PRKCA: variants seen among roughly 807,000 people sequenced by gnomAD.
PRKCA encodes the protein protein kinase C alpha.
PRKCA carries 27 observed loss-of-function variants against 87.0 expected under a neutral mutation model. That is an observed-to-expected ratio of 0.31 (90% CI 0.23 to 0.43). The LOEUF (loss-of-function observed/expected upper bound fraction) is 0.43. PRKCA is among the 20% of genes least tolerant of loss of function. PRKCA has a pLI of 1.00. For missense variants in PRKCA, 518 were observed against 852.3 expected, an observed-to-expected ratio of 0.61 and a Z score of 4.88; for synonymous variants, 329 against 311.1, an observed-to-expected ratio of 1.06 and a Z score of -0.61.
intron 2 of PRKCA, among the ~76,000 whole-genome samples, chr17:66,385,552 T>C (rs1005467528): frequency 1.3e-5 from 2 of 152,172 alleles, no homozygotes; most frequent in Non-Finnish European, 2.9e-5. Flanking sequence ...ATATTTTTTA[T>C]AAAAACTCTT....
intron 16 of PRKCA, among the ~76,000 whole-genome samples, chr17:66,794,956 A>G (rs1168642965): frequency 2.0e-5 from 3 of 152,166 alleles, no homozygotes; most frequent in Non-Finnish European, 4.4e-5. Context: ...AGGTACAGAC[A>G]TACACATCTG....
At position 66,434,520 on chromosome 17, in the gene PRKCA, C is replaced by T. The variant is rs183791948; in HGVS notation, c.206-61681C>T. Among the ~76,000 whole-genome samples, 382 of 152,206 alleles carry T rather than the reference C, an allele frequency of 2.5e-3. 2 individuals are homozygous for T. The highest frequency in any genetic ancestry group is 4.4e-3 in the Non-Finnish European group (298 of 68,018). On this transcript the variant is annotated intron_variant, in intron 2 of 16. Coordinates refer to ENST00000413366, the MANE Select transcript of PRKCA (RefSeq NM_002737.3). ...AGGATGCTTAATTCATTCCAGCCAC[C>T]GCTGCTGGAGTTGTTTTAGCAAAGC...
chr17:66,456,483 A>G (rs1472151022), intron 2 of PRKCA, among the ~76,000 whole-genome samples: 9 of 152,178 alleles, frequency 5.9e-5, no homozygotes, highest in Admixed American at 5.9e-4. Flanking sequence ...AGGGTTTGGA[A>G]TAGTCAAAGA....
chr17:66,424,473 A>G (rs1373435532), intron 2 of PRKCA, among the ~76,000 whole-genome samples: 2 of 151,328 alleles, frequency 1.3e-5, no homozygotes, highest in Non-Finnish European at 2.9e-5. Context: ...AGGCTGAGGC[A>G]TGAGAATTGC....
intron 13 of PRKCA, among the ~76,000 whole-genome samples, chr17:66,773,217 A>G (rs1974979270): frequency 6.6e-6 from 1 of 152,126 alleles, no homozygotes; most frequent in African/African-American, 2.4e-5. Context: ...TGACATCCAG[A>G]TTGTATCTTA....
intron 2 of PRKCA, among the ~76,000 whole-genome samples, chr17:66,462,116 T>G (rs930913830): frequency 4.6e-5 from 7 of 152,330 alleles, no homozygotes; most frequent in Admixed American, 3.3e-4. Context: ...TCTGCTTCCC[T>G]CTGTTTGAAC....
intron 13 of PRKCA, among the ~76,000 whole-genome samples, chr17:66,750,694 G>T (rs1050173154): frequency 6.6e-6 from 1 of 152,118 alleles, no homozygotes; most frequent in Non-Finnish European, 1.5e-5. Flanking sequence ...TGGTGGATTC[G>T]CTGCCCCTTC....
rs116062178 is a variant in PRKCA, at chr17:66,409,018, C to T, written c.206-87183C>T. Among the ~76,000 whole-genome samples the T allele has an allele frequency of 2.4e-3, 346 of 141,628 alleles. 1 individual carries two copies. The highest frequency in any genetic ancestry group is 8.5e-3 in the African/African-American group (316 of 37,194). The allele number at this position is 141,628 out of a possible 152,430, so 92.9% of individuals were successfully genotyped here. On this transcript the variant is annotated intron_variant, in intron 2 of 16. Coordinates refer to ENST00000413366, the MANE Select transcript of PRKCA (RefSeq NM_002737.3). ...AGTGAGCTGAGATCACGTCATCGCACTCCCTCCCCAGTCTCAAAAAAAAAA... is the reference window on the plus strand; with the variant it reads ...AGTGAGCTGAGATCACGTCATCGCATTCCCTCCCCAGTCTCAAAAAAAAAA...
chr17:66,805,366 TA>T lies in PRKCA; in HGVS notation c.*1331del. The T allele has an allele frequency of 6.3e-6, 1 of 157,748 alleles. No homozygotes were observed. Among genetic ancestry groups the T allele is most frequent in the Non-Finnish European group, 1.4e-5 (1 of 72,586 alleles). 9.8% of individuals were successfully genotyped at this position (157,748 alleles called of 1,614,324 possible). On this transcript the variant is annotated 3_prime_UTR_variant, in exon 17 of 17. Coordinates refer to ENST00000413366, the MANE Select transcript of PRKCA (RefSeq NM_002737.3). ...ATCAAGTATAAAGAGAGTATTATAA[TA>T]ATTTTATAAGACACAATTGTGCTCT...
intron 8 of PRKCA, chr17:66,703,628 CT>C (rs1315672125): frequency 1.3e-5 from 2 of 152,022 alleles, no homozygotes; most frequent in Non-Finnish European, 2.9e-5. Flanking sequence ...AACCGCATCT[CT>C]ACTAAAAATA....
chr17:66,509,078 G>GT (rs1287189155), intron 3 of PRKCA, among the ~76,000 whole-genome samples: 7 of 152,036 alleles, frequency 4.6e-5, no homozygotes, highest in African/African-American at 1.7e-4. Context: ...GGCTTCCCCT[G>GT]GCGCTGTGTT....
At chr17:66,412,970 G>A (rs1465267062) in intron 2 of PRKCA, among the ~76,000 whole-genome samples, 4 of 152,084 alleles carry the variant, frequency 2.6e-5, no homozygotes, top group African/African-American at 7.2e-5. Context: ...GATATGTGGA[G>A]ATTCTGCACC....
chr17:66,526,201 A>G lies in PRKCA; in HGVS notation c.288+29918A>G, dbSNP rs541737943. Among the ~76,000 whole-genome samples the G allele has an allele frequency of 4.6e-5, 7 of 152,352 alleles. No individual in the cohort carries two copies. In the South Asian group the frequency reaches 1.5e-3, roughly 32 times the overall value. ...ATAGCTGAAATATGTGCCTATATGT[A>G]TATCCGAAAATTATTATAGGAGATG... On this transcript the variant is annotated intron_variant, in intron 3 of 16. Coordinates refer to ENST00000413366, the MANE Select transcript of PRKCA (RefSeq NM_002737.3).
chr17:66,719,165 C>T (rs56410769), intron 8 of PRKCA, among the ~76,000 whole-genome samples: 66,036 of 151,964 alleles, frequency 0.43, 14,406 homozygotes, highest in African/African-American at 0.46. Context: ...ATCTGCATGT[C>T]ATTGAAAACA....
chr17:66,788,902 G>C lies in PRKCA; in HGVS notation c.1777G>C (p.Glu593Gln), dbSNP rs1304789263. 1.9e-6 allele frequency: 3 copies of C among 1,614,068 alleles called. No homozygotes were observed. The highest frequency in any genetic ancestry group is 2.2e-5 in the East Asian group (1 of 44,890). Residue 593 changes from glutamate to glutamine, a missense_variant, in exon 16 of 17, where the codon GAG (glutamate) becomes CAG (glutamine). Transcript: ENST00000413366. ...GCCTGAGGGGGAGAGGGACGTGAGAGAGCATGCCTTCTTCCGGAGGATCGA... is the reference window on the plus strand; with the variant it reads ...GCCTGAGGGGGAGAGGGACGTGAGACAGCATGCCTTCTTCCGGAGGATCGA... ...CGPEGERDVREHAFFRRIDWE... is the reference protein window; with the variant it reads ...CGPEGERDVRQHAFFRRIDWE...
At chr17:66,746,445 G>A (rs1461244239) in intron 13 of PRKCA, among the ~76,000 whole-genome samples, 1 of 152,088 alleles carries the variant, frequency 6.6e-6, no homozygotes, top group Non-Finnish European at 1.5e-5. Context: ...GTGTGGAAAG[G>A]TTAAAATAAT....
intron 3 of PRKCA, among the ~76,000 whole-genome samples, chr17:66,540,478 G>A (rs1967947582): frequency 6.6e-6 from 1 of 152,166 alleles, no homozygotes; most frequent in Admixed American, 6.5e-5. Context: ...CCGAGAGCAG[G>A]GACCATCTCA....
chr17:66,716,162 T>A (rs1473779039), intron 8 of PRKCA, among the ~76,000 whole-genome samples: 4 of 151,972 alleles, frequency 2.6e-5, no homozygotes, highest in Non-Finnish European at 5.9e-5. Flanking sequence ...GGTTTTTTTT[T>A]TTAGCACCAG....
chr17:66,718,803 T>C (rs1341914765), intron 8 of PRKCA, among the ~76,000 whole-genome samples: 2 of 152,212 alleles, frequency 1.3e-5, no homozygotes, highest in East Asian at 1.9e-4. Context: ...TTCTGTGTTG[T>C]GGAAGAAAAG....
Sources: allele counts gnomAD v4.1 joint callset (sites outside exome capture counted in the v4.1 genomes callset), GRCh38; gene constraint gnomAD v4.1.1; transcripts MANE v1.5; gene names NCBI Gene and HGNC (gene_info 2026-07-23, HGNC 2026-07-21).